PRKG1: variants seen among roughly 807,000 people sequenced by gnomAD.
The protein encoded by PRKG1 is protein kinase cGMP-dependent 1.
PRKG1 carries 35 observed loss-of-function variants against 88.1 expected under a neutral mutation model. That is an observed-to-expected ratio of 0.40 (90% CI 0.30 to 0.53). The LOEUF is 0.53. Among genes scored for constraint, PRKG1 ranks in the 20% least tolerant of loss-of-function variants. PRKG1 has a pLI of 0.59. For synonymous variants in PRKG1, 303 were observed against 292.5 expected, an observed-to-expected ratio of 1.04 and a Z score of -0.37; for missense variants, 540 against 839.8, an observed-to-expected ratio of 0.64 and a Z score of 4.41.
intron 2 of PRKG1, among the ~76,000 whole-genome samples, chr10:51,213,037 T>A (rs1215193731): frequency 6.6e-6 from 1 of 152,182 alleles, no homozygotes; most frequent in African/African-American, 2.4e-5. Flanking sequence ...GCGGCACTAT[T>A]CACAATAGCA....
intron 2 of PRKG1, among the ~76,000 whole-genome samples, chr10:51,441,101 C>T (rs1019393998): frequency 2.6e-5 from 4 of 151,782 alleles, no homozygotes; most frequent in African/African-American, 7.3e-5. Context: ...AACTCTCAAC[C>T]TCTGTAAGTG....
intron 5 of PRKG1, among the ~76,000 whole-genome samples, chr10:52,014,708 C>T (rs1844990598): frequency 2.0e-5 from 3 of 152,206 alleles, no homozygotes; most frequent in Admixed American, 1.3e-4. Flanking sequence ...AAAAAACAAG[C>T]TAGTTACTCC....
intron 2 of PRKG1, among the ~76,000 whole-genome samples, chr10:51,398,351 G>A (rs1013157641): frequency 1.3e-5 from 2 of 152,186 alleles, no homozygotes; most frequent in African/African-American, 4.8e-5. Context: ...ATCTAATGCT[G>A]CTGCTGATCT....
intron 5 of PRKG1, among the ~76,000 whole-genome samples, chr10:52,002,326 A>C (rs1481881579): frequency 2.0e-5 from 3 of 151,930 alleles, no homozygotes; most frequent in African/African-American, 7.3e-5. Flanking sequence ...CTTAAGCTTT[A>C]TACAGTATCT....
chr10:51,262,447 T>C lies in PRKG1; in HGVS notation c.478+109117T>C, dbSNP rs558693118. 1.3e-4 allele frequency among the ~76,000 whole-genome samples: 20 copies of C among 152,278 alleles called. No individual in the cohort carries two copies. In the South Asian group the frequency reaches 2.1e-3, roughly 16 times the overall value. ...TCTCTGGCAGGTCTTCTGATGTTTG[T>C]TAGCAGTGGCTTGCTCTGCCTGGTT... On this transcript the variant is annotated intron_variant, in intron 2 of 17. Transcript: ENST00000373980.
At chr10:51,381,273 A>C (rs1207547867) in intron 2 of PRKG1, among the ~76,000 whole-genome samples, 1 of 67,670 alleles carries the variant, frequency 1.5e-5, no homozygotes. Context: ...AAAAAAAAAA[A>C]AAAAAAAAAA....
At chr10:52,282,108 T>G (rs1842014905) in intron 13 of PRKG1, 45 bp from the exon 14 acceptor site, 1 of 1,484,592 alleles carries the variant, frequency 6.7e-7, no homozygotes, top group African/African-American at 1.4e-5. Context: ...ACTTTAAAAC[T>G]TAATCATAAG....
At chr10:51,695,224 A>G (rs1841257269) in intron 3 of PRKG1, among the ~76,000 whole-genome samples, 1 of 152,184 alleles carries the variant, frequency 6.6e-6, no homozygotes, top group Non-Finnish European at 1.5e-5. Context: ...ATACAGAGGA[A>G]TTCTCTCTGG....
chr10:51,780,655 A>G (rs1485732148), intron 3 of PRKG1, among the ~76,000 whole-genome samples: 1 of 152,122 alleles, frequency 6.6e-6, no homozygotes, highest in African/African-American at 2.4e-5. Context: ...CCTCAAATTA[A>G]TCCATGATTG....
intron 7 of PRKG1, among the ~76,000 whole-genome samples, chr10:52,101,805 A>G (rs772049357): frequency 3.3e-5 from 5 of 152,204 alleles, no homozygotes; most frequent in Non-Finnish European, 5.9e-5. Flanking sequence ...AATTACAACA[A>G]ATTTAATTGG....
At chr10:52,278,691 G>A (rs986497207) in intron 12 of PRKG1, among the ~76,000 whole-genome samples, 2 of 152,064 alleles carry the variant, frequency 1.3e-5, no homozygotes, top group Admixed American at 1.3e-4. Context: ...ACTTTGGGAG[G>A]CCAAGGCAGG....
At chr10:52,270,501 A>G (rs1841693544) in intron 10 of PRKG1, among the ~76,000 whole-genome samples, 2 of 152,126 alleles carry the variant, frequency 1.3e-5, no homozygotes, top group African/African-American at 2.4e-5. Context: ...CTGGATTAAG[A>G]AAATGTGGCA....
At chr10:51,499,632 AT>A (rs1361635287) in intron 3 of PRKG1, among the ~76,000 whole-genome samples, 4 of 152,288 alleles carry the variant, frequency 2.6e-5, no homozygotes, top group African/African-American at 9.6e-5. Context: ...TTTCCCCGTA[AT>A]ATTTTGGTAG....
intron 5 of PRKG1, among the ~76,000 whole-genome samples, chr10:51,975,093 G>A (rs1843797383): frequency 6.6e-6 from 1 of 152,112 alleles, no homozygotes; most frequent in South Asian, 2.1e-4. Flanking sequence ...TTTAATGACA[G>A]TTACATGCTG....
At chr10:51,329,108 C>A (rs970436112) in intron 2 of PRKG1, among the ~76,000 whole-genome samples, 1 of 152,042 alleles carries the variant, frequency 6.6e-6, no homozygotes, top group African/African-American at 2.4e-5. Context: ...GTTGCCATTG[C>A]CTTTGGTGTC....
chr10:51,074,870 G>A lies in PRKG1; in HGVS notation c.280G>A (p.Val94Met), dbSNP rs183672685. ...TAFDIQDLSH[V>M]TLPFYPKSPQ... The stretch of plus-strand genomic sequence containing the variant: ...CTTCGACATCCAGGATCTCAGCCAT[G>A]TGACCCTGCCCTTCTACCCCAAGAG... The change falls in exon 1 of 18, where the codon GTG (valine) becomes ATG (methionine). Residue 94 changes from valine to methionine, a missense_variant. Transcript: ENST00000373980. The A allele has an allele frequency of 6.2e-7, 1 of 1,612,900 alleles. No individual in the cohort carries two copies. Among genetic ancestry groups the A allele is most frequent in the East Asian group, 2.2e-5 (1 of 44,826 alleles).
rs186138910 is a variant in PRKG1, at chr10:51,404,662, C to T, written c.479-63061C>T. Reference sequence around the variant, plus strand: ...GCCAAGTAATTTCCCTGAGTGAATTCTGTCTGCTAATAAGATCATGCCAAT... The same window carrying T: ...GCCAAGTAATTTCCCTGAGTGAATTTTGTCTGCTAATAAGATCATGCCAAT... On this transcript the variant is annotated intron_variant, in intron 2 of 17. Coordinates refer to ENST00000373980, the MANE Select transcript of PRKG1 (RefSeq NM_006258.4). 2.6e-3 allele frequency among the ~76,000 whole-genome samples: 394 copies of T among 152,312 alleles called. 1 individual carries two copies. Among genetic ancestry groups the T allele is most frequent in the Middle Eastern group, 0.017 (5 of 294 alleles).
At chr10:52,201,321 C>T (rs1181417017) in intron 9 of PRKG1, among the ~76,000 whole-genome samples, 1 of 152,156 alleles carries the variant, frequency 6.6e-6, no homozygotes, top group Non-Finnish European at 1.5e-5. Flanking sequence ...GTCCTTTCTC[C>T]ATTGATTGTT....
rs530439553 is a variant in PRKG1 at position 51,597,210 on chromosome 10, A to G, written c.592+129374A>G. On this transcript the variant is annotated intron_variant, in intron 3 of 17. Coordinates refer to ENST00000373980, the MANE Select transcript of PRKG1 (RefSeq NM_006258.4). The stretch of plus-strand genomic sequence containing the variant: ...AACCTGTAATTTCATCGGTAATAAA[A>G]TCAAAAGTATTTAATGCTACATACT... 2.0e-5 allele frequency among the ~76,000 whole-genome samples: 3 copies of G among 152,258 alleles called. No homozygotes were observed. In the South Asian group the frequency reaches 6.2e-4, roughly 32 times the overall value.
Sources: gnomAD v4.1 joint callset for allele counts (sites outside exome capture counted in the v4.1 genomes callset) on GRCh38, gnomAD v4.1.1 for gene constraint, MANE v1.5 for transcripts, NCBI Gene and HGNC (gene_info 2026-07-23, HGNC 2026-07-21) for gene names.